The following IRAG2 variants were observed in gnomAD, a reference collection of about 807,000 sequenced individuals.
The protein encoded by IRAG2 is inositol 1,4,5-triphosphate receptor associated 2.
Under a neutral mutation model 69.9 loss-of-function variants are expected in IRAG2, and 45 were observed. The ratio of observed to expected loss-of-function variants is 0.64; its 90% CI spans 0.51 to 0.83. IRAG2 has a LOEUF of 0.83. Ranked by LOEUF, IRAG2 falls within the 40% of genes least tolerant of loss-of-function variation. IRAG2 has a pLI of 0.00. For synonymous variants in IRAG2, 193 were observed against 202.4 expected (o/e 0.95, Z 0.40); for missense variants, 520 against 587.0 (o/e 0.89, Z 1.18).
chr12:25,101,124 TTTAA>T, intron 15 of IRAG2, 50 bp from the exon 16 acceptor site: 1 of 1,488,816 alleles, frequency 6.7e-7, no homozygotes, highest in Admixed American at 2.0e-5. Flanking sequence ...ATCACCATCT[TTTAA>T]TTGAGAGTAG....
Position 25,106,992 on chromosome 12 carries a change from A to G in IRAG2, c.1198A>G (p.Arg400Gly). 1 of 1,608,786 alleles carries G rather than the reference A, an allele frequency of 6.2e-7. No individual in the cohort carries two copies. The part of the protein sequence containing the change: ...PSGEETVERT[R>G]KPSLSEKKNN... ...TGGAGAAGAAACAGTAGAAAGGACA[A>G]GGAAGCCAAGTCTTTCTGAAAAGAA... is the stretch of plus-strand genomic sequence containing the variant. The change falls in exon 21 of 22, where the codon AGG becomes GGG. Residue 400 changes from arginine (R) to glycine (G), a missense_variant. Arg to Gly is a moderately radical substitution (Grantham distance 125, BLOSUM62 -2). Coordinates refer to ENST00000556887, the MANE Select transcript of IRAG2 (RefSeq NM_001366544.2).
rs139329943 is a variant in IRAG2, at chr12:25,015,326, A to G, written c.977-24A>G. On this transcript the variant is annotated intron_variant, in intron 4 of 38. Coordinates refer to the IRAG2 transcript ENST00000636465. Reference sequence around the variant, plus strand: ...GGTTTGTAGAAAATGATTTTTTTTCATAAAACTCTTGTATGTGTTTCAGTG... The same window carrying G: ...GGTTTGTAGAAAATGATTTTTTTTCGTAAAACTCTTGTATGTGTTTCAGTG... 5.2e-3 allele frequency: 6,399 copies of G among 1,231,450 alleles called. 27 individuals are homozygous for G. The highest frequency in any genetic ancestry group is 0.018 in the Middle Eastern group (58 of 3,204). 76.3% of individuals were successfully genotyped at this position (1,231,450 alleles called of 1,614,324 possible).
intron 7 of IRAG2, chr12:25,023,831 T>A: frequency 9.3e-7 from 1 of 1,073,244 alleles, no homozygotes; most frequent in East Asian, 3.2e-5. Flanking sequence ...TTCATAAACA[T>A]CTTAAATATA....
At chr12:25,031,073 A>G in intron 10 of IRAG2, 2 of 985,258 alleles carry the variant, frequency 2.0e-6, no homozygotes, top group Non-Finnish European at 2.4e-6. Flanking sequence ...AGCCTCAGTC[A>G]ATAATCTTCC....
At chr12:25,082,010 C>T (rs1009538926) in intron 9 of IRAG2, among the ~76,000 whole-genome samples, 17 of 152,018 alleles carry the variant, frequency 1.1e-4, no homozygotes, top group Non-Finnish European at 2.2e-4. Flanking sequence ...TCCTCCTGTC[C>T]CAGGTTCCTC....
Position 25,052,975 on chromosome 12 carries a change from T to A in IRAG2, c.-447+19T>A, listed in dbSNP as rs561008899. The A allele has an allele frequency of 2.5e-6, 1 of 398,512 alleles. No individual in the cohort carries two copies. The highest frequency in any genetic ancestry group is 4.4e-5 in the Admixed American group (1 of 22,730). The allele number at this position is 398,512 out of a possible 1,614,324, so 24.7% of individuals were successfully genotyped here. A position where few individuals can be genotyped will look rare whatever the true frequency, so the allele number is the denominator to read the frequency against. Reference sequence around the variant, plus strand: ...CTGAAGAGTGAGTAGCAAATATTCATTTATGACCCAGTTTTTGTCCACCCT... The same window carrying A: ...CTGAAGAGTGAGTAGCAAATATTCAATTATGACCCAGTTTTTGTCCACCCT... On this transcript the variant is annotated intron_variant, in intron 1 of 21. Transcript: ENST00000556887.
intron 6 of IRAG2, among the ~76,000 whole-genome samples, chr12:25,019,178 C>T (rs1944556389): frequency 6.6e-6 from 1 of 152,190 alleles, no homozygotes. Context: ...TTGCCCACAA[C>T]CTCTGGAGCC....
intron 10 of IRAG2, among the ~76,000 whole-genome samples, chr12:25,086,611 G>C (rs185705602): frequency 6.6e-6 from 1 of 152,252 alleles, no homozygotes; most frequent in Admixed American, 6.5e-5. Flanking sequence ...TGGAATCCTG[G>C]CTAACAATAT....
chr12:25,051,849 T>C (rs1944881283), upstream of IRAG2, among the ~76,000 whole-genome samples: 1 of 152,188 alleles, frequency 6.6e-6, no homozygotes, highest in African/African-American at 2.4e-5. Context: ...CCTTTCTTTT[T>C]CTGTAAAAGC....
At chr12:25,102,579 G>T (rs189538467) in intron 17 of IRAG2, 56 of 254,518 alleles carry the variant, frequency 2.2e-4, no homozygotes, top group Non-Finnish European at 2.7e-4. Flanking sequence ...CTCAGCCCTT[G>T]GCTTCTGCCT....
At chr12:25,087,216 G>A (rs1947685707) in intron 10 of IRAG2, among the ~76,000 whole-genome samples, 1 of 117,142 alleles carries the variant, frequency 8.5e-6, no homozygotes, top group African/African-American at 3.3e-5. Context: ...TGCCTAGCTT[G>A]GAGTGCAGTG....
chr12:25,045,444 G>C (rs1944785476), intron 16 of IRAG2, among the ~76,000 whole-genome samples: 1 of 151,890 alleles, frequency 6.6e-6, no homozygotes, highest in African/African-American at 2.4e-5. Context: ...TTAAAAAGCA[G>C]CAAAACTAAG....
chr12:25,033,028 C>G (rs1944680546), intron 12 of IRAG2, among the ~76,000 whole-genome samples: 1 of 151,364 alleles, frequency 6.6e-6, no homozygotes, highest in African/African-American at 2.4e-5. Context: ...GTGATCTCGG[C>G]CCGCTGCAAC....
chr12:25,010,457 C>A (rs901546605), intron 2 of IRAG2, among the ~76,000 whole-genome samples: 5 of 137,384 alleles, frequency 3.6e-5, no homozygotes, highest in Admixed American at 1.6e-4. Flanking sequence ...CATAGCAAGA[C>A]CCTGTGTCAA....
At chr12:25,089,577 C>T (rs776652997) in intron 11 of IRAG2, 37 bp from the exon 12 acceptor site, 7 of 1,344,594 alleles carry the variant, frequency 5.2e-6, no homozygotes, top group Non-Finnish European at 7.2e-6. Context: ...CAGGTCAAGC[C>T]TTTTTAACCA....
intron 6 of IRAG2, among the ~76,000 whole-genome samples, chr12:25,077,299 AATATATATGATATATATG>A (rs534289702): frequency 5.1e-5 from 2 of 39,524 alleles, no homozygotes; most frequent in African/African-American, 1.0e-4. Context: ...ATATATATGA[AATATATATGATATATATG>A]ATATATATAT....
chr12:25,089,969 C>A, intron 13 of IRAG2, 88 bp from the exon 14 acceptor site: 2 of 1,400,730 alleles, frequency 1.4e-6, no homozygotes, highest in Non-Finnish European at 2.0e-6. Flanking sequence ...GAAAGAAATG[C>A]CTCAGTATAA....
intron 4 of IRAG2, among the ~76,000 whole-genome samples, chr12:25,066,113 A>T (rs900423518): frequency 6.6e-6 from 1 of 151,904 alleles, no homozygotes; most frequent in African/African-American, 2.4e-5. Flanking sequence ...ATTATTTTGT[A>T]AATATTATTA....
intron 14 of IRAG2, 126 bp downstream of exon 14, chr12:25,090,323 C>A: frequency 1.2e-6 from 1 of 806,182 alleles, no homozygotes; most frequent in Non-Finnish European, 1.9e-6. Context: ...AGGAGGATCA[C>A]TTGAGGCCCG....
Sources: gnomAD v4.1 joint callset for allele counts (sites outside exome capture counted in the v4.1 genomes callset) on GRCh38, gnomAD v4.1.1 for gene constraint, MANE v1.5 for transcripts, NCBI Gene and HGNC (gene_info 2026-07-23, HGNC 2026-07-21) for gene names.